The following CHCHD6 variants were observed in gnomAD, a reference collection of about 807,000 sequenced individuals.
CHCHD6 encodes MICOS complex subunit MIC25.
Under a neutral mutation model 32.3 loss-of-function variants are expected in CHCHD6, and 28 were observed. The observed-to-expected ratio is 0.87, with a 90% CI of 0.64 to 1.19. CHCHD6 has a LOEUF of 1.19. Among genes scored for constraint, CHCHD6 ranks in the 50% most tolerant of loss-of-function variants. The probability of loss-of-function intolerance (pLI) is 0.00; values close to 1 mark genes in which losing one functional copy is unlikely to be tolerated. For missense variants in CHCHD6, 333 were observed against 307.0 expected (o/e 1.08, Z -0.63); for synonymous variants, 122 against 117.5 (o/e 1.04, Z -0.25).
chr3:126,831,337 C>G (rs1306477692), intron 4 of CHCHD6, among the ~76,000 whole-genome samples: 1 of 152,118 alleles, frequency 6.6e-6, no homozygotes, highest in Admixed American at 6.5e-5. Context: ...CCCTGCCAGC[C>G]TTTAACTAGC....
At chr3:126,718,445 T>C (rs1388197117) in intron 1 of CHCHD6, among the ~76,000 whole-genome samples, 2 of 152,204 alleles carry the variant, frequency 1.3e-5, no homozygotes, top group African/African-American at 4.8e-5. Context: ...ATGAGGAAAC[T>C]GACTTAGAGC....
intron 4 of CHCHD6, among the ~76,000 whole-genome samples, chr3:126,810,453 G>C (rs1939607966): frequency 6.6e-6 from 1 of 152,200 alleles, no homozygotes; most frequent in Admixed American, 6.5e-5. Flanking sequence ...GGGGAGAGAT[G>C]AGCCAAGTAC....
chr3:126,940,756 C>G (rs555143633), intron 6 of CHCHD6, among the ~76,000 whole-genome samples: 46 of 152,306 alleles, frequency 3.0e-4, no homozygotes, highest in Admixed American at 4.6e-4. Context: ...TTACTGCTAT[C>G]AAAGGAGAAA....
chr3:126,714,493 T>C (rs1374683433), intron 1 of CHCHD6, among the ~76,000 whole-genome samples: 1 of 152,106 alleles, frequency 6.6e-6, no homozygotes, highest in Non-Finnish European at 1.5e-5. Context: ...GCAACAGCCT[T>C]AGGCAAGGGG....
At chr3:126,785,803 A>C (rs185458048) in intron 4 of CHCHD6, among the ~76,000 whole-genome samples, 4 of 151,794 alleles carry the variant, frequency 2.6e-5, no homozygotes, top group Non-Finnish European at 5.9e-5. Flanking sequence ...GGTAATTTCT[A>C]CTTTGTTTCT....
chr3:126,931,721 T>C (rs2078409358), intron 6 of CHCHD6, among the ~76,000 whole-genome samples: 1 of 152,196 alleles, frequency 6.6e-6, no homozygotes, highest in South Asian at 2.1e-4. Flanking sequence ...CTCCCCTTCT[T>C]AGTCCTCTGT....
chr3:126,922,637 G>A lies in CHCHD6; in HGVS notation c.566+7887G>A, dbSNP rs867903414. On this transcript the variant is annotated intron_variant, in intron 6 of 7. Transcript: ENST00000290913. Reference sequence around the variant, plus strand: ...CAGCCCACCACGTGTGTGTGTGTGTGTGTGTGTGTGTGTGTGTACACATGC... The same window carrying A: ...CAGCCCACCACGTGTGTGTGTGTGTATGTGTGTGTGTGTGTGTACACATGC... 5.9e-5 allele frequency among the ~76,000 whole-genome samples: 9 copies of A among 151,922 alleles called. 1 individual carries two copies. The South Asian group carries it at 1.5e-3, about 25-fold the overall frequency.
intron 4 of CHCHD6, among the ~76,000 whole-genome samples, chr3:126,848,337 A>AT (rs2107550255): frequency 6.6e-6 from 1 of 151,954 alleles, no homozygotes; most frequent in South Asian, 2.1e-4. Flanking sequence ...TATCCATTTC[A>AT]TTTTTTATTT....
chr3:126,723,209 A>G (rs1576338857), intron 1 of CHCHD6, among the ~76,000 whole-genome samples: 1 of 152,058 alleles, frequency 6.6e-6, no homozygotes, highest in South Asian at 2.1e-4. Flanking sequence ...GATTGTATAT[A>G]TCTTAAATAC....
chr3:126,851,386 A>G (rs1330104218), intron 4 of CHCHD6, among the ~76,000 whole-genome samples: 2 of 152,190 alleles, frequency 1.3e-5, no homozygotes, highest in Admixed American at 6.5e-5. Context: ...TAAAAGGAAA[A>G]AGCTCAGGAC....
intron 4 of CHCHD6, among the ~76,000 whole-genome samples, chr3:126,812,721 C>T (rs541662903): frequency 1.3e-5 from 2 of 152,178 alleles, no homozygotes; most frequent in Admixed American, 6.5e-5. Context: ...CATGAGCCAC[C>T]GTGCCCGGCC....
intron 5 of CHCHD6, among the ~76,000 whole-genome samples, chr3:126,910,838 C>T (rs1039837552): frequency 2.6e-5 from 4 of 151,996 alleles, no homozygotes; most frequent in Non-Finnish European, 5.9e-5. Flanking sequence ...CTGCTGCAGT[C>T]AAGTGAGTGT....
In CHCHD6 at chr3:126,755,100, A is replaced by G. The variant is rs1472107025; in HGVS notation, c.411+21878A>G. Among the ~76,000 whole-genome samples the G allele has an allele frequency of 2.6e-5, 4 of 152,216 alleles. No individual in the cohort carries two copies. In the South Asian group the frequency reaches 8.3e-4, roughly 32 times the overall value. On this transcript the variant is annotated intron_variant, in intron 4 of 7. Coordinates refer to ENST00000290913, the MANE Select transcript of CHCHD6 (RefSeq NM_032343.3). ...TGTGTTCTGGCTCTAGCGAGGGCAGAGGAAAGTGGATTGGGCATAAGCAGT... is the reference window on the plus strand; with the variant it reads ...TGTGTTCTGGCTCTAGCGAGGGCAGGGGAAAGTGGATTGGGCATAAGCAGT...
chr3:126,833,135 A>G (rs1940708729), intron 4 of CHCHD6, among the ~76,000 whole-genome samples: 1 of 152,194 alleles, frequency 6.6e-6, no homozygotes, highest in Non-Finnish European at 1.5e-5. Context: ...GCACACACAC[A>G]TGTACATGCA....
At chr3:126,780,040 A>G (rs945925832) in intron 4 of CHCHD6, among the ~76,000 whole-genome samples, 13 of 152,240 alleles carry the variant, frequency 8.5e-5, no homozygotes. Flanking sequence ...CAATGAGCTT[A>G]TATCACTAAT....
chr3:126,743,461 A>G (rs1936363792), intron 4 of CHCHD6, among the ~76,000 whole-genome samples: 1 of 152,232 alleles, frequency 6.6e-6, no homozygotes, highest in Admixed American at 6.5e-5. Context: ...TAACTTTGTT[A>G]GGCAAATGGC....
At chr3:126,864,877 TCCTCCTCCTCCACCATCA>T (rs1372736943) in intron 5 of CHCHD6, among the ~76,000 whole-genome samples, 13 of 123,994 alleles carry the variant, frequency 1.0e-4, no homozygotes, top group Admixed American at 3.1e-4. Context: ...CATCATCTCC[TCCTCCTCCTCCACCATCA>T]CCTCCTCCTC....
chr3:126,727,267 G>T, intron 2 of CHCHD6, 81 bp downstream of exon 2: 1 of 950,724 alleles, frequency 1.1e-6, no homozygotes, highest in Non-Finnish European at 1.7e-6. Context: ...CCACCTGATG[G>T]CGCACAGGGC....
intron 4 of CHCHD6, among the ~76,000 whole-genome samples, chr3:126,788,465 T>C (rs915491563): frequency 3.9e-5 from 6 of 152,200 alleles, no homozygotes; most frequent in African/African-American, 1.4e-4. Flanking sequence ...TGGACTTTTT[T>C]TGGTTGGTAA....
Sources: gnomAD v4.1 joint callset for allele counts (sites outside exome capture counted in the v4.1 genomes callset) on GRCh38, gnomAD v4.1.1 for gene constraint, MANE v1.5 for transcripts, NCBI Gene and HGNC (gene_info 2026-07-23, HGNC 2026-07-21) for gene names.